Variants in LRRTM4 observed in about 807,000 individuals in gnomAD.
LRRTM4 encodes leucine-rich repeat transmembrane neuronal protein 4.
Under a neutral mutation model 47.6 loss-of-function variants are expected in LRRTM4, and 25 were observed. That is an observed-to-expected ratio of 0.53 (90% confidence interval 0.38 to 0.73). The LOEUF (loss-of-function observed/expected upper bound fraction) is 0.73. Ranked by LOEUF, LRRTM4 falls within the 30% of genes least tolerant of loss-of-function variation. The pLI is 0.00. For missense variants in LRRTM4, 638 were observed against 713.4 expected (o/e 0.89, Z 1.20); for synonymous variants, 311 against 269.5 (o/e 1.15, Z -1.51).
At chr2:76,941,364 T>C (rs567284211) in intron 3 of LRRTM4, among the ~76,000 whole-genome samples, 2 of 152,270 alleles carry the variant, frequency 1.3e-5, no homozygotes, top group East Asian at 1.9e-4. Context: ...GTGCAGAACA[T>C]GCAGGTTTGT....
At chr2:76,996,896 G>A (rs1677222652) in intron 3 of LRRTM4, among the ~76,000 whole-genome samples, 1 of 152,098 alleles carries the variant, frequency 6.6e-6, no homozygotes, top group African/African-American at 2.4e-5. Context: ...CAGATGCTTG[G>A]CTGGAACTTG....
intron 3 of LRRTM4, among the ~76,000 whole-genome samples, chr2:77,322,128 T>G (rs1677813916): frequency 6.6e-6 from 1 of 152,164 alleles, no homozygotes; most frequent in Admixed American, 6.5e-5. Context: ...ATAGTGGAGT[T>G]GTCATTTGAG....
intron 3 of LRRTM4, among the ~76,000 whole-genome samples, chr2:77,101,118 C>A (rs1210748403): frequency 6.6e-6 from 1 of 151,896 alleles, no homozygotes; most frequent in Non-Finnish European, 1.5e-5. Context: ...GTAGTACTGA[C>A]TTTTTTAGTT....
chr2:76,748,590 A>G lies in LRRTM4; in HGVS notation c.*105T>C. On this transcript the variant is annotated 3_prime_UTR_variant, in exon 4 of 4. Transcript: ENST00000409884. ...CTATGCCATAAATGTTTTAACAGGA[A>G]CGATGAGCTTGCTCGATTGCGCGAT... The G allele has an allele frequency of 1.1e-6, 1 of 908,388 alleles. No individual in the cohort carries two copies. The highest frequency in any genetic ancestry group is 1.7e-6 in the Non-Finnish European group (1 of 584,824). The allele number at this position is 908,388 out of a possible 1,614,324, so 56.3% of individuals were successfully genotyped here. A position where few individuals can be genotyped will look rare whatever the true frequency, so the allele number is the denominator to read the frequency against.
chr2:76,881,403 T>C (rs1176456741), intron 3 of LRRTM4, among the ~76,000 whole-genome samples: 1 of 151,964 alleles, frequency 6.6e-6, no homozygotes, highest in Non-Finnish European at 1.5e-5. Context: ...ATAATGATAA[T>C]ATGTGTGAAA....
intron 3 of LRRTM4, among the ~76,000 whole-genome samples, chr2:77,488,725 A>T (rs187926788): frequency 6.6e-6 from 1 of 152,292 alleles, no homozygotes; most frequent in African/African-American, 2.4e-5. Context: ...GAATTTAATA[A>T]AACTGATTTA....
At chr2:77,094,763 T>G (rs2103896555) in intron 3 of LRRTM4, among the ~76,000 whole-genome samples, 1 of 152,226 alleles carries the variant, frequency 6.6e-6, no homozygotes, top group African/African-American at 2.4e-5. Context: ...TTCGGTCACA[T>G]CATATACAAA....
At chr2:77,464,297 T>C (rs1351312366) in intron 3 of LRRTM4, among the ~76,000 whole-genome samples, 2 of 152,104 alleles carry the variant, frequency 1.3e-5, no homozygotes, top group Non-Finnish European at 2.9e-5. Flanking sequence ...TTTCTATAGA[T>C]TTCTAAATAA....
intron 3 of LRRTM4, among the ~76,000 whole-genome samples, chr2:76,850,558 A>T (rs1671962831): frequency 6.6e-6 from 1 of 152,200 alleles, no homozygotes. Flanking sequence ...TGTTTAAGCA[A>T]GGGATATAAG....
chr2:76,919,754 T>C (rs1447018596), intron 3 of LRRTM4, among the ~76,000 whole-genome samples: 1 of 152,198 alleles, frequency 6.6e-6, no homozygotes, highest in African/African-American at 2.4e-5. Context: ...AAATCTTAAC[T>C]GACACAGCAT....
At chr2:76,834,270 C>T (rs1256819759) in intron 3 of LRRTM4, among the ~76,000 whole-genome samples, 4 of 150,390 alleles carry the variant, frequency 2.7e-5, no homozygotes, top group African/African-American at 4.9e-5. Context: ...AGTCTGGTCT[C>T]GAACTCCTGA....
chr2:77,069,954 A>T (rs1680096067), intron 3 of LRRTM4, among the ~76,000 whole-genome samples: 1 of 152,176 alleles, frequency 6.6e-6, no homozygotes, highest in South Asian at 2.1e-4. Flanking sequence ...AATACCCTCT[A>T]AGAGAAAGCT....
At chr2:77,348,300 A>G (rs1671641673) in intron 3 of LRRTM4, among the ~76,000 whole-genome samples, 1 of 151,858 alleles carries the variant, frequency 6.6e-6, no homozygotes, top group South Asian at 2.1e-4. Context: ...TCATAATACA[A>G]TACAATACAA....
intron 3 of LRRTM4, among the ~76,000 whole-genome samples, chr2:76,974,265 CAT>C (rs1217526944): frequency 1.5e-5 from 2 of 129,718 alleles, no homozygotes; most frequent in Non-Finnish European, 3.4e-5. Context: ...CACACACATA[CAT>C]ATATATATGG....
At position 76,770,414 on chromosome 2, in the gene LRRTM4, C is replaced by T. The variant is rs1206195718; in HGVS notation, c.1552-21498G>A. On this transcript the variant is annotated intron_variant, in intron 3 of 3. Coordinates refer to ENST00000409884, the MANE Select transcript of LRRTM4 (RefSeq NM_001134745.3). ...TTCCAAAAATTGTTACCAGGGACCA[C>T]AGAGGAACTGCTTTCTGGAGTAGTG... Among the ~76,000 whole-genome samples, 6 of 152,276 alleles carry T rather than the reference C, an allele frequency of 3.9e-5. No individual in the cohort carries two copies. In the East Asian group the frequency reaches 1.2e-3, roughly 29 times the overall value.
At position 76,748,889 on chromosome 2, in the gene LRRTM4, A is replaced by G; in HGVS notation, c.1579T>C (p.Tyr527His). The G allele has an allele frequency of 6.2e-7, 1 of 1,613,988 alleles. No individual in the cohort carries two copies. The highest frequency in any genetic ancestry group is 8.5e-7 in the Non-Finnish European group (1 of 1,179,870). ...EMPHHMKPLP[Y>H]YSYDQPVIGY... ...ATCACAGGCTGGTCATAGCTGTAATATGGCAAGGGCTTCATGTGGTGTGGC... is the reference window on the plus strand; with the variant it reads ...ATCACAGGCTGGTCATAGCTGTAATGTGGCAAGGGCTTCATGTGGTGTGGC... Residue 527 changes from tyrosine to histidine, a missense_variant, in exon 4 of 4, where the codon TAT (tyrosine) becomes CAT (histidine). Transcript: ENST00000409884.
chr2:76,955,352 T>C (rs760203394), intron 3 of LRRTM4, among the ~76,000 whole-genome samples: 11 of 151,890 alleles, frequency 7.2e-5, no homozygotes, highest in East Asian at 1.9e-4. Context: ...AAAAAAAGTG[T>C]AGTGTTTTTG....
At chr2:76,879,278 A>G (rs755647912) in intron 3 of LRRTM4, among the ~76,000 whole-genome samples, 1 of 152,186 alleles carries the variant, frequency 6.6e-6, no homozygotes. Context: ...GCCTGGCTTC[A>G]AAGCTTCGCC....
chr2:77,123,806 A>T (rs1671582813), intron 3 of LRRTM4, among the ~76,000 whole-genome samples: 1 of 152,128 alleles, frequency 6.6e-6, no homozygotes, highest in African/African-American at 2.4e-5. Flanking sequence ...CAAAAGGCAT[A>T]ACTACACAAA....
Sources: allele counts gnomAD v4.1 joint callset (sites outside exome capture counted in the v4.1 genomes callset), GRCh38; gene constraint gnomAD v4.1.1; transcripts MANE v1.5; gene names NCBI Gene and HGNC (gene_info 2026-07-23, HGNC 2026-07-21).